TSGA10: variants seen among roughly 807,000 people sequenced by gnomAD.
TSGA10 encodes the protein testis-specific gene 10 protein.
A neutral mutation model predicts 96.6 loss-of-function variants in TSGA10; 43 were observed. The ratio of observed to expected loss-of-function variants is 0.44; its 90% CI spans 0.35 to 0.57. TSGA10 has a LOEUF of 0.57. Among genes scored for constraint, TSGA10 ranks in the 20% least tolerant of loss-of-function variants. TSGA10 has a pLI of 0.01. For missense variants in TSGA10, 703 were observed against 834.4 expected (o/e 0.84, Z 1.94); for synonymous variants, 229 against 269.9 (o/e 0.85, Z 1.48).
chr2:99,023,672 T>C (rs1281402713), intron 17 of TSGA10, among the ~76,000 whole-genome samples: 1 of 152,256 alleles, frequency 6.6e-6, no homozygotes, highest in Non-Finnish European at 1.5e-5. Flanking sequence ...TGAATTGTCC[T>C]AGCACCTGTA....
At chr2:99,117,497 G>T (rs969093277) in intron 4 of TSGA10, 47 bp downstream of exon 4, 13 of 873,170 alleles carry the variant, frequency 1.5e-5, no homozygotes, top group Non-Finnish European at 1.8e-5. Flanking sequence ...AAAATTACAT[G>T]ATGTTTAAAG....
At chr2:99,075,514 A>G (rs2086601834) in intron 12 of TSGA10, among the ~76,000 whole-genome samples, 2 of 152,176 alleles carry the variant, frequency 1.3e-5, no homozygotes, top group East Asian at 3.8e-4. Context: ...ATTCACTATA[A>G]TGTAGACTTT....
intron 17 of TSGA10, among the ~76,000 whole-genome samples, chr2:99,031,575 C>T (rs1478879806): frequency 6.6e-6 from 1 of 152,140 alleles, no homozygotes. Flanking sequence ...AAGCCACATA[C>T]TTAGTGAAAG....
At chr2:99,143,872 C>T (rs2093603190) in intron 1 of TSGA10, among the ~76,000 whole-genome samples, 1 of 152,140 alleles carries the variant, frequency 6.6e-6, no homozygotes, top group Admixed American at 6.5e-5. Flanking sequence ...ATTTCAAAAG[C>T]TTCACTACAA....
chr2:99,114,534 C>T (rs962906605), intron 4 of TSGA10, among the ~76,000 whole-genome samples: 1 of 152,212 alleles, frequency 6.6e-6, no homozygotes, highest in Non-Finnish European at 1.5e-5. Flanking sequence ...CTGCTTACCT[C>T]TTTTTCACCC....
intron 10 of TSGA10, among the ~76,000 whole-genome samples, chr2:99,083,128 G>A (rs2087745406): frequency 6.6e-6 from 1 of 151,804 alleles, no homozygotes; most frequent in Admixed American, 6.6e-5. Context: ...ATCCCAGTAG[G>A]GAAGAATAAA....
chr2:99,077,285 C>A (rs2086830010), intron 12 of TSGA10, among the ~76,000 whole-genome samples: 1 of 151,760 alleles, frequency 6.6e-6, no homozygotes, highest in Non-Finnish European at 1.5e-5. Context: ...GGACTACAGG[C>A]ATGTGCCACC....
chr2:99,110,496 G>A (rs1410913730), intron 5 of TSGA10, among the ~76,000 whole-genome samples: 2 of 152,130 alleles, frequency 1.3e-5, no homozygotes, highest in African/African-American at 4.8e-5. Context: ...CAAAATTTAT[G>A]GCTTAAAAGT....
intron 10 of TSGA10, among the ~76,000 whole-genome samples, chr2:99,085,981 A>G (rs1350729570): frequency 1.3e-5 from 2 of 152,232 alleles, no homozygotes; most frequent in Non-Finnish European, 2.9e-5. Flanking sequence ...AATACAGAGC[A>G]CAGAAATAGA....
At chr2:99,146,682 G>A (rs2093635451) in intron 1 of TSGA10, among the ~76,000 whole-genome samples, 3 of 152,070 alleles carry the variant, frequency 2.0e-5, no homozygotes, top group Admixed American at 1.3e-4. Context: ...AGGCTGGAGT[G>A]CAATGGTATG....
intron 5 of TSGA10, among the ~76,000 whole-genome samples, chr2:99,109,872 A>C (rs2091656508): frequency 6.6e-6 from 1 of 152,146 alleles, no homozygotes; most frequent in South Asian, 2.1e-4. Flanking sequence ...TTAGAAAAAC[A>C]TATGCTACTA....
At chr2:99,100,543 G>C (rs1342985516) in intron 10 of TSGA10, among the ~76,000 whole-genome samples, 2 of 151,990 alleles carry the variant, frequency 1.3e-5, no homozygotes, top group Non-Finnish European at 2.9e-5. Flanking sequence ...TGGTAGGGCC[G>C]GGTGCGGTGG....
intron 1 of TSGA10, among the ~76,000 whole-genome samples, chr2:99,149,450 T>TC (rs2093666663): frequency 6.6e-6 from 1 of 150,756 alleles, no homozygotes; most frequent in Non-Finnish European, 1.5e-5. Context: ...ATCTTTTTTT[T>TC]TTTTTTTTTT....
At chr2:99,109,132 C>T (rs1268151684) in intron 6 of TSGA10, 141 bp from the exon 7 acceptor site, 3 of 780,856 alleles carry the variant, frequency 3.8e-6, no homozygotes, top group Admixed American at 6.7e-5. Context: ...GTTTAAAAAC[C>T]ACATCTTTTT....
At chr2:99,056,765 C>T (rs1431682504) in intron 16 of TSGA10, among the ~76,000 whole-genome samples, 1 of 136,738 alleles carries the variant, frequency 7.3e-6, no homozygotes, top group African/African-American at 2.7e-5. Context: ...ACAGACAACA[C>T]ATTACAAGAA....
intron 17 of TSGA10, among the ~76,000 whole-genome samples, chr2:99,025,909 C>T (rs1269096824): frequency 6.6e-6 from 1 of 152,054 alleles, no homozygotes. Context: ...ACAAAATATT[C>T]TTCTTTTATC....
chr2:99,045,918 G>A (rs994170340), intron 16 of TSGA10, among the ~76,000 whole-genome samples: 9 of 152,240 alleles, frequency 5.9e-5, no homozygotes, highest in Non-Finnish European at 2.9e-5. Context: ...GGCAGGAGTT[G>A]CAATCCTGGT....
rs753449936 is a variant in TSGA10, at chr2:99,020,415, C to T, written c.1682G>A (p.Arg561Lys). 6.2e-7 allele frequency: 1 copy of T among 1,613,892 alleles called. No homozygotes were observed. Among genetic ancestry groups the T allele is most frequent in the Non-Finnish European group, 8.5e-7 (1 of 1,179,886 alleles). Reference protein sequence around the residue: ...ELLRSQMANERISMQNLEALL... With the variant: ...ELLRSQMANEKISMQNLEALL... ...AGCTTCTAGATTCTGCATGGAGATT[C>T]TCTCATTTGCCATCTGACTCCTCAG... is the stretch of plus-strand genomic sequence containing the variant. Residue 561 changes from arginine (R) to lysine (K), a missense_variant, in exon 18 of 21, where the codon AGA (arginine) becomes AAA (lysine). By Grantham distance (26) the Arg-to-Lys change is conservative. This residue lies in a region of TSGA10 where 49 missense variants were observed against 96.4 expected (regional missense o/e 0.51). Transcript: ENST00000393483.
In TSGA10 at chr2:99,109,496, T is replaced by G; in HGVS notation, c.-57A>C. 6.3e-7 allele frequency: 1 copy of G among 1,598,462 alleles called. No individual in the cohort carries two copies. Among genetic ancestry groups the G allele is most frequent in the Non-Finnish European group, 8.5e-7 (1 of 1,170,506 alleles). ...TGATCTTTGTCTGCTTCCAAAGTCTTGACAAAGGAATCAAGTCTAGAAGGA... is the reference window on the plus strand; with the variant it reads ...TGATCTTTGTCTGCTTCCAAAGTCTGGACAAAGGAATCAAGTCTAGAAGGA... On this transcript the variant is annotated 5_prime_UTR_variant, in exon 6 of 21. Transcript: ENST00000393483.
Sources: allele counts gnomAD v4.1 joint callset (sites outside exome capture counted in the v4.1 genomes callset), GRCh38; gene constraint gnomAD v4.1.1; regional missense constraint gnomAD v4.1.1; transcripts MANE v1.5; gene names NCBI Gene and HGNC (gene_info 2026-07-23, HGNC 2026-07-21).